Variants in EXTL3 observed in about 807,000 individuals in gnomAD.
The protein encoded by EXTL3 is exostosin like glycosyltransferase 3, also known as exostosin-like 3.
A neutral mutation model predicts 69.3 loss-of-function variants in EXTL3; 27 were observed. The observed-to-expected ratio is 0.39, with a 90% CI of 0.29 to 0.54. The LOEUF is 0.54. Among genes scored for constraint, EXTL3 ranks in the 20% least tolerant of loss-of-function variants. The pLI is 0.69. For missense variants in EXTL3, 1,003 were observed against 1,231.8 expected (o/e 0.81, Z 2.78); for synonymous variants, 511 against 499.4 (o/e 1.02, Z -0.31).
At chr8:28,681,613 C>T (rs1807491323) in intron 1 of EXTL3, among the ~76,000 whole-genome samples, 1 of 152,180 alleles carries the variant, frequency 6.6e-6, no homozygotes, top group Non-Finnish European at 1.5e-5. Flanking sequence ...CAAGAGAGTG[C>T]AGATATATCT....
At chr8:28,635,929 A>C (rs551875445) in intron 1 of EXTL3, among the ~76,000 whole-genome samples, 2 of 152,210 alleles carry the variant, frequency 1.3e-5, no homozygotes, top group Non-Finnish European at 2.9e-5. Context: ...CATGTTGGCC[A>C]GGCTGGTTTT....
In EXTL3 at chr8:28,750,636, GTC is replaced by G. The variant is rs780342852; in HGVS notation, c.2551-12_2551-11del. On this transcript the variant is annotated intron_variant, in intron 6 of 6. Transcript: ENST00000220562. This position sits in a 1 kb window ranked among gnomAD's most constrained non-coding sequence, Gnocchi z 5.2. ...CAGTATTAGCTGGGATTCCCACTCT[GTC>G]TCTCTCTCCCGTTTCCAGGTGACCT... is the stretch of plus-strand genomic sequence containing the variant. 1.2e-6 allele frequency: 2 copies of G among 1,601,512 alleles called. No homozygotes were observed. Among genetic ancestry groups the G allele is most frequent in the African/African-American group, 1.3e-5 (1 of 74,626 alleles).
Position 28,717,740 on chromosome 8 carries a change from G to T in EXTL3, c.1681G>T (p.Ala561Ser). The T allele has an allele frequency of 6.2e-7, 1 of 1,614,268 alleles. No individual in the cohort carries two copies. The highest frequency in any genetic ancestry group is 8.5e-7 in the Non-Finnish European group (1 of 1,180,048). The change falls in exon 3 of 7, where the codon GCT becomes TCT. Residue 561 changes from alanine (A) to serine (S), a missense_variant. By Grantham distance (99) the Ala-to-Ser change is moderately conservative. This residue lies in a region of EXTL3 where 742 missense variants were observed against 815.4 expected (regional missense o/e 0.91). Transcript: ENST00000220562. This position sits in a 1 kb window ranked among gnomAD's most constrained non-coding sequence, Gnocchi z 8.3. ...GATCCCCCACCGTTCAGGCAAGGCG[G>T]CTGGAACTGACCCCAACATGGCTGA... ...AEIPHRSGKA[A>S]GTDPNMADNG...
intron 4 of EXTL3, among the ~76,000 whole-genome samples, chr8:28,735,546 G>A (rs761348514): frequency 1.3e-5 from 2 of 152,160 alleles, no homozygotes; most frequent in Non-Finnish European, 2.9e-5. Flanking sequence ...AATGGAGCTG[G>A]TGAATTATCA....
At chr8:28,636,328 T>C (rs1806654281) in intron 1 of EXTL3, among the ~76,000 whole-genome samples, 1 of 115,870 alleles carries the variant, frequency 8.6e-6, no homozygotes, top group African/African-American at 4.2e-5. Flanking sequence ...CAAGACTCCA[T>C]CTCAAAAAAA....
chr8:28,732,575 A>C (rs1258188356), intron 4 of EXTL3, among the ~76,000 whole-genome samples: 1 of 152,170 alleles, frequency 6.6e-6, no homozygotes, highest in Non-Finnish European at 1.5e-5. Context: ...CCTCAGTCCT[A>C]GGTAGCCACT....
rs535649593 is a variant in EXTL3, at chr8:28,658,391, C to T, written c.-53+35581C>T. ...TCCCTAATCCACTCCAGGTAATCAG[C>T]TTTTCATTTCTGTGTGTATTCATCT... is the stretch of plus-strand genomic sequence containing the variant. On this transcript the variant is annotated intron_variant, in intron 1 of 6. Coordinates refer to the EXTL3 transcript ENST00000523149. Among the ~76,000 whole-genome samples, 13 of 152,260 alleles carry T rather than the reference C, an allele frequency of 8.5e-5. No individual in the cohort carries two copies. In the East Asian group the frequency reaches 1.3e-3, roughly 16 times the overall value.
At chr8:28,671,815 A>G (rs1037019665) in intron 1 of EXTL3, among the ~76,000 whole-genome samples, 4 of 152,218 alleles carry the variant, frequency 2.6e-5, no homozygotes, top group African/African-American at 9.6e-5. Flanking sequence ...CATTGTGGGC[A>G]TGATTTCTTT....
chr8:28,609,614 G>A (rs1018909420), intron 2 of EXTL3, among the ~76,000 whole-genome samples: 38 of 152,004 alleles, frequency 2.5e-4, no homozygotes, highest in Admixed American at 2.0e-3. Flanking sequence ...GGCCAGGCAC[G>A]GTAGCTCATA....
chr8:28,684,891 A>G (rs111426547), intron 1 of EXTL3, among the ~76,000 whole-genome samples: 2,860 of 86,416 alleles, frequency 0.033, 88 homozygotes, highest in African/African-American at 0.11. Flanking sequence ...AACACAGACT[A>G]TTTATCTGAA....
chr8:28,673,107 ATGT>A (rs1807324605), intron 1 of EXTL3, among the ~76,000 whole-genome samples: 1 of 152,202 alleles, frequency 6.6e-6, no homozygotes, highest in African/African-American at 2.4e-5. Flanking sequence ...AGTCTTGGGT[ATGT>A]CTTTATCAGC....
intron 6 of EXTL3, among the ~76,000 whole-genome samples, chr8:28,745,454 G>A (rs1353124906): frequency 6.6e-6 from 1 of 152,174 alleles, no homozygotes; most frequent in Non-Finnish European, 1.5e-5. Context: ...AAAACAGTAT[G>A]TTTTCCAGGT....
At chr8:28,684,909 A>C (rs1451473339) in intron 1 of EXTL3, among the ~76,000 whole-genome samples, 1 of 81,032 alleles carries the variant, frequency 1.2e-5, no homozygotes, top group Non-Finnish European at 2.7e-5. Flanking sequence ...GAAACATTTT[A>C]AAGTTGCACA....
intron 1 of EXTL3, among the ~76,000 whole-genome samples, chr8:28,667,690 A>G (rs1807217466): frequency 7.6e-6 from 1 of 132,396 alleles, no homozygotes; most frequent in Admixed American, 8.9e-5. Context: ...TGGGCAGGTC[A>G]CTTAAGAATA....
intron 6 of EXTL3, among the ~76,000 whole-genome samples, chr8:28,744,242 T>C (rs759642145): frequency 6.6e-6 from 1 of 152,260 alleles, no homozygotes; most frequent in Admixed American, 6.5e-5. Flanking sequence ...AAGAGATTTA[T>C]ACCTGATGTC....
chr8:28,697,023 T>A (rs1220065984), upstream of EXTL3: 1 of 152,216 alleles, frequency 6.6e-6, no homozygotes, highest in African/African-American at 2.4e-5. Flanking sequence ...TCTTCCATCA[T>A]GTGTAACTGA....
intron 3 of EXTL3, among the ~76,000 whole-genome samples, chr8:28,724,625 GA>G (rs1338681538): frequency 6.7e-6 from 1 of 149,996 alleles, no homozygotes; most frequent in East Asian, 1.9e-4. Context: ...AAAAGAAGAA[GA>G]AAAAAAGAAA....
intron 1 of EXTL3, among the ~76,000 whole-genome samples, chr8:28,683,742 G>C (rs890333043): frequency 2.0e-5 from 3 of 151,926 alleles, no homozygotes; most frequent in Admixed American, 2.0e-4. Context: ...CCCAGGAGGC[G>C]GAGCTTGCAG....
At position 28,639,861 on chromosome 8, in the gene EXTL3, G is replaced by A. The variant is rs1806715940; in HGVS notation, c.-53+17051G>A. Among the ~76,000 whole-genome samples, 4 of 152,216 alleles carry A rather than the reference G, an allele frequency of 2.6e-5. No homozygotes were observed. The South Asian group carries it at 6.2e-4, about 24-fold the overall frequency. The stretch of plus-strand genomic sequence containing the variant: ...CTCATGCCTGTAATCCCAGCACTTT[G>A]GGAGGCCAAGGTGGGCAGATCACTT... On this transcript the variant is annotated intron_variant, in intron 1 of 6. Transcript: ENST00000523149.
Sources: gnomAD v4.1 joint callset for allele counts (sites outside exome capture counted in the v4.1 genomes callset) on GRCh38, gnomAD v4.1.1 for gene constraint, gnomAD v4.1.1 regional missense constraint, Gnocchi (gnomAD v3.1) non-coding constraint, MANE v1.5 for transcripts, NCBI Gene and HGNC (gene_info 2026-07-23, HGNC 2026-07-21) for gene names.